CARS1: variants seen among roughly 807,000 people sequenced by gnomAD.
CARS1 encodes the protein cysteine--tRNA ligase, cytoplasmic.
CARS1 carries 48 observed loss-of-function variants against 106.2 expected under a neutral mutation model. That is an observed-to-expected ratio of 0.45 (90% CI 0.36 to 0.57). The LOEUF (loss-of-function observed/expected upper bound fraction) is 0.57, where lower values mean the gene tolerates loss of function less well. CARS1 is among the 20% of genes least tolerant of loss of function. CARS1 has a pLI of 0.00. For synonymous variants in CARS1, 409 were observed against 403.4 expected, an observed-to-expected ratio of 1.01 and a Z score of -0.17; for missense variants, 968 against 1,057.2, an observed-to-expected ratio of 0.92 and a Z score of 1.17.
chr11:3,007,316 G>C (rs895637464), intron 18 of CARS1: 1 of 329,700 alleles, frequency 3.0e-6, no homozygotes, highest in Non-Finnish European at 5.6e-6. Context: ...GGAGGGTCAG[G>C]ACAGGCCTGG....
intron 1 of CARS1, among the ~76,000 whole-genome samples, chr11:3,049,850 CT>C (rs1382415609): frequency 1.3e-5 from 2 of 152,252 alleles, no homozygotes; most frequent in African/African-American, 4.8e-5. Context: ...GCCCACACAG[CT>C]TCTGAAAACA....
chr11:3,013,903 C>T (rs1434125421), intron 17 of CARS1, among the ~76,000 whole-genome samples: 1 of 152,096 alleles, frequency 6.6e-6, no homozygotes, highest in African/African-American at 2.4e-5. Context: ...TCAGCGGCCA[C>T]GACACAGGGC....
rs938698939 is a variant in CARS1 at position 3,034,192 on chromosome 11, GTTCT to G, written c.801+3854_801+3857del. On this transcript the variant is annotated intron_variant, in intron 7 of 22. Coordinates refer to ENST00000380525, the MANE Select transcript of CARS1 (RefSeq NM_001014437.3). This position sits in a 1 kb window ranked among gnomAD's most constrained non-coding sequence, Gnocchi z 6.3. Reference sequence around the variant, plus strand: ...CTGTTTTCTGTTTTTTTGTTTGTTTGTTCTTTTTTTTGTTTTCTGTTTTTTGTTT... The same window carrying G: ...CTGTTTTCTGTTTTTTTGTTTGTTTGTTTTTTTGTTTTCTGTTTTTTGTTT... 1.6e-4 allele frequency among the ~76,000 whole-genome samples: 23 copies of G among 141,526 alleles called. No individual in the cohort carries two copies. Among genetic ancestry groups the G allele is most frequent in the African/African-American group, 4.9e-4 (20 of 40,588 alleles). The allele number at this position is 141,526 out of a possible 152,430, so 92.8% of individuals were successfully genotyped here.
In CARS1 at chr11:3,003,398, T is replaced by C. The variant is rs1849572408; in HGVS notation, c.2218-798A>G. The stretch of plus-strand genomic sequence containing the variant: ...GGAAGGAGGAACAAGTTTGGGGAGT[T>C]GAAAATCACATTTACTTTGGACAGC... On this transcript the variant is annotated intron_variant, in intron 20 of 22. Coordinates refer to ENST00000380525, the MANE Select transcript of CARS1 (RefSeq NM_001014437.3). The surrounding 1 kb of genome is among the most constrained non-coding windows in gnomAD (Gnocchi z 4.8). Among the ~76,000 whole-genome samples the C allele has an allele frequency of 6.6e-6, 1 of 152,024 alleles. No individual in the cohort carries two copies. The highest frequency in any genetic ancestry group is 2.4e-5 in the African/African-American group (1 of 41,376).
chr11:3,036,429 C>G (rs1590470834), intron 7 of CARS1, among the ~76,000 whole-genome samples: 1 of 152,050 alleles, frequency 6.6e-6, no homozygotes, highest in African/African-American at 2.4e-5. Context: ...CACAGTTCAG[C>G]AAAAGACACT....
In CARS1 at chr11:3,038,308, G is replaced by A. The variant is rs1009320923; in HGVS notation, c.652-109C>T. 9.5e-7 allele frequency: 1 copy of A among 1,051,022 alleles called. No individual in the cohort carries two copies. The highest frequency in any genetic ancestry group is 1.4e-6 in the Non-Finnish European group (1 of 702,888). The allele number at this position is 1,051,022 out of a possible 1,614,324, so 65.1% of individuals were successfully genotyped here. A position where few individuals can be genotyped will look rare whatever the true frequency, so the allele number is the denominator to read the frequency against. On this transcript the variant is annotated intron_variant, in intron 6 of 22. Transcript: ENST00000380525. This position sits in a 1 kb window ranked among gnomAD's most constrained non-coding sequence, Gnocchi z 4.0. The stretch of plus-strand genomic sequence containing the variant: ...GAACGGTTTTTCCCATGGCCCCATA[G>A]AGATAGAGAAGTGTGCAACCCAAGT...
In CARS1 at chr11:3,039,640, C is replaced by T. The variant is rs754645978; in HGVS notation, c.552+195G>A. ...CCTGAGCAACATGCAGGTTTCTAACCGTGTCTGAACATCATAGAAATGATC... is the reference window on the plus strand; with the variant it reads ...CCTGAGCAACATGCAGGTTTCTAACTGTGTCTGAACATCATAGAAATGATC... On this transcript the variant is annotated intron_variant, in intron 5 of 22. Coordinates refer to ENST00000380525, the MANE Select transcript of CARS1 (RefSeq NM_001014437.3). This position sits in a 1 kb window ranked among gnomAD's most constrained non-coding sequence, Gnocchi z 5.6. 7.2e-5 allele frequency among the ~76,000 whole-genome samples: 11 copies of T among 152,156 alleles called. No individual in the cohort carries two copies. Among genetic ancestry groups the T allele is most frequent in the African/African-American group, 2.2e-4 (9 of 41,438 alleles).
In CARS1 at chr11:3,017,964, G is replaced by A. The variant is rs529004649; in HGVS notation, c.1630-10C>T. The A allele has an allele frequency of 6.3e-6, 10 of 1,597,748 alleles. No homozygotes were observed. In the African/African-American group the frequency reaches 8.0e-5, roughly 13 times the overall value. ...CATTTAAGAAAAACTCCTGAAGTTA[G>A]AAAAATCAGTTTAACAGCATTTAGG... On this transcript the variant is annotated splice_polypyrimidine_tract_variant and intron_variant, in intron 14 of 22. Coordinates refer to ENST00000380525, the MANE Select transcript of CARS1 (RefSeq NM_001014437.3). The surrounding 1 kb of genome is among the most constrained non-coding windows in gnomAD (Gnocchi z 4.9).
At chr11:3,054,551 G>A (rs1335363918) in intron 1 of CARS1, among the ~76,000 whole-genome samples, 1 of 152,262 alleles carries the variant, frequency 6.6e-6, no homozygotes, top group African/African-American at 2.4e-5. Context: ...GAGCTATTGT[G>A]AGTCTGAAGA....
Position 3,003,179 on chromosome 11 carries a change from C to T in CARS1, c.2218-579G>A, listed in dbSNP as rs566210752. Among the ~76,000 whole-genome samples, 1 of 148,618 alleles carries T rather than the reference C, an allele frequency of 6.7e-6. No individual in the cohort carries two copies. The highest frequency in any genetic ancestry group is 2.2e-4 in the East Asian group (1 of 4,546). On this transcript the variant is annotated intron_variant, in intron 20 of 22. Transcript: ENST00000380525. The surrounding 1 kb of genome is among the most constrained non-coding windows in gnomAD (Gnocchi z 4.8). ...TTAGTGGAGCCAGCAGGCTGGGTGCCGGTGAGGGAAGCCCTCGGTTGCTTT... is the reference window on the plus strand; with the variant it reads ...TTAGTGGAGCCAGCAGGCTGGGTGCTGGTGAGGGAAGCCCTCGGTTGCTTT...
Position 3,040,767 on chromosome 11 carries a change from C to A in CARS1, c.455+129G>T. 1 of 926,712 alleles carries A rather than the reference C, an allele frequency of 1.1e-6. No individual in the cohort carries two copies. The allele number at this position is 926,712 out of a possible 1,614,324, so 57.4% of individuals were successfully genotyped here. A position where few individuals can be genotyped will look rare whatever the true frequency, so the allele number is the denominator to read the frequency against. ...TAAGAGAAGAAATTCAGTCTTGATT[C>A]CTCAAATCTCAGGTCTCTGTAGCAG... On this transcript the variant is annotated intron_variant, in intron 4 of 22. Transcript: ENST00000380525. This position sits in a 1 kb window ranked among gnomAD's most constrained non-coding sequence, Gnocchi z 5.8.
At position 3,043,899 on chromosome 11, in the gene CARS1, A is replaced by G. The variant is rs1397112907; in HGVS notation, c.275-1643T>C. 2.0e-5 allele frequency among the ~76,000 whole-genome samples: 3 copies of G among 152,122 alleles called. No homozygotes were observed. Among genetic ancestry groups the G allele is most frequent in the African/African-American group, 7.2e-5 (3 of 41,426 alleles). ...AGTGCTCAGCAGGAGCCCCCACTCT[A>G]GGTGAGTTCCAGTGGTCACAGGTGG... On this transcript the variant is annotated intron_variant, in intron 2 of 22. Transcript: ENST00000380525. This position sits in a 1 kb window ranked among gnomAD's most constrained non-coding sequence, Gnocchi z 4.0.
intron 7 of CARS1, among the ~76,000 whole-genome samples, chr11:3,036,422 A>G (rs1354573813): frequency 6.6e-6 from 1 of 152,220 alleles, no homozygotes; most frequent in African/African-American, 2.4e-5. Flanking sequence ...AACAACTCAC[A>G]GTTCAGCAAA....
chr11:3,039,405 G>A lies in CARS1; in HGVS notation c.553-113C>T. 1 of 679,668 alleles carries A rather than the reference G, an allele frequency of 1.5e-6. No individual in the cohort carries two copies. Among genetic ancestry groups the A allele is most frequent in the Non-Finnish European group, 2.6e-6 (1 of 378,038 alleles). 42.1% of individuals were successfully genotyped at this position (679,668 alleles called of 1,614,324 possible). A position where few individuals can be genotyped will look rare whatever the true frequency, so the allele number is the denominator to read the frequency against. On this transcript the variant is annotated intron_variant, in intron 5 of 22. Coordinates refer to ENST00000380525, the MANE Select transcript of CARS1 (RefSeq NM_001014437.3). This position sits in a 1 kb window ranked among gnomAD's most constrained non-coding sequence, Gnocchi z 5.6. ...CTAAGTGAGGGTGAGGGTGGTGGGA[G>A]ACAACTGTGGGCCCCGGACGTGCAC...
In CARS1 at chr11:3,021,619, TAAAA is replaced by T. The variant is rs1193008177; in HGVS notation, c.1154-1291_1154-1288del. On this transcript the variant is annotated intron_variant, in intron 10 of 22. Transcript: ENST00000380525. This position sits in a 1 kb window ranked among gnomAD's most constrained non-coding sequence, Gnocchi z 5.3. ...TACTAAATGTAGAATATTTGAAAGATAAAAAAAGAAAACTAGGAAAAAAATTGCC... is the reference window on the plus strand; with the variant it reads ...TACTAAATGTAGAATATTTGAAAGATAAAGAAAACTAGGAAAAAAATTGCC... 6.6e-6 allele frequency among the ~76,000 whole-genome samples: 1 copy of T among 152,098 alleles called. No individual in the cohort carries two copies. The highest frequency in any genetic ancestry group is 1.5e-5 in the Non-Finnish European group (1 of 67,992).
chr11:3,009,999 C>A (rs1365953480), intron 18 of CARS1, among the ~76,000 whole-genome samples: 1 of 152,218 alleles, frequency 6.6e-6, no homozygotes, highest in Admixed American at 6.5e-5. Context: ...CTCTGGCTCA[C>A]AAGGCACATA....
In CARS1 at chr11:3,042,316, C is replaced by T. The variant is rs1042007415; in HGVS notation, c.275-60G>A. 15 of 1,261,232 alleles carry T rather than the reference C, an allele frequency of 1.2e-5. No homozygotes were observed. The South Asian group carries it at 1.2e-4, about 10-fold the overall frequency. 78.1% of individuals were successfully genotyped at this position (1,261,232 alleles called of 1,614,324 possible). ...GGCAGCACCAGGAAGTGCAAGTCGCCTCTTCACCTGGAGACTTGGTTTTTA... is the reference window on the plus strand; with the variant it reads ...GGCAGCACCAGGAAGTGCAAGTCGCTTCTTCACCTGGAGACTTGGTTTTTA... On this transcript the variant is annotated intron_variant, in intron 2 of 22. Transcript: ENST00000380525.
rs375790042 is a variant in CARS1, at chr11:3,002,527, A to G, written c.2277+14T>C. 87 of 1,614,040 alleles carry G rather than the reference A, an allele frequency of 5.4e-5. No homozygotes were observed. The East Asian group carries it at 1.1e-3, about 20-fold the overall frequency. ...TGCCCAGTAGAGCCCTCACCCCCAA[A>G]CAAAATGCATTACTTCTTGTTCCTG... On this transcript the variant is annotated intron_variant, in intron 21 of 22. Coordinates refer to ENST00000380525, the MANE Select transcript of CARS1 (RefSeq NM_001014437.3).
In CARS1 at chr11:3,004,723, G is replaced by A. The variant is rs975156447; in HGVS notation, c.2217+643C>T. On this transcript the variant is annotated intron_variant, in intron 20 of 22. Transcript: ENST00000380525. This position sits in a 1 kb window ranked among gnomAD's most constrained non-coding sequence, Gnocchi z 5.2. ...CCTGATCCTGGGGGCGTTGTGGGGTGCAGGTGGGGAGTATGCTGGGAATAG... is the reference window on the plus strand; with the variant it reads ...CCTGATCCTGGGGGCGTTGTGGGGTACAGGTGGGGAGTATGCTGGGAATAG... Among the ~76,000 whole-genome samples the A allele has an allele frequency of 5.3e-5, 8 of 152,346 alleles. No homozygotes were observed. Among genetic ancestry groups the A allele is most frequent in the African/African-American group, 1.9e-4 (8 of 41,582 alleles).
Sources: allele counts gnomAD v4.1 joint callset (sites outside exome capture counted in the v4.1 genomes callset), GRCh38; gene constraint gnomAD v4.1.1; non-coding constraint Gnocchi (gnomAD v3.1); transcripts MANE v1.5; gene names NCBI Gene and HGNC (gene_info 2026-07-23, HGNC 2026-07-21).